Variants in MAPK6 observed in about 807,000 individuals in gnomAD.
The protein encoded by MAPK6 is ERK-3.
Under a neutral mutation model 59.3 loss-of-function variants are expected in MAPK6, and 19 were observed. The ratio of observed to expected loss-of-function variants is 0.32; its 90% confidence interval spans 0.22 to 0.47. MAPK6 has a LOEUF of 0.47. Ranked by LOEUF, MAPK6 falls within the 20% of genes least tolerant of loss-of-function variation. The probability of loss-of-function intolerance (pLI) is 1.00; values close to 1 mark genes in which losing one functional copy is unlikely to be tolerated. For missense variants in MAPK6, 724 were observed against 847.9 expected, an observed-to-expected ratio of 0.85 and a Z score of 1.81; for synonymous variants, 316 against 290.3, an observed-to-expected ratio of 1.09 and a Z score of -0.90.
chr15:51,983,766 C>T (rs1432668269), intron 2 of MAPK6, among the ~76,000 whole-genome samples: 1 of 152,078 alleles, frequency 6.6e-6, no homozygotes, highest in Non-Finnish European at 1.5e-5. Flanking sequence ...ATGATCATGC[C>T]ACTGCACTCC....
At chr15:52,018,241 C>A (rs2030336934), upstream of MAPK6, among the ~76,000 whole-genome samples, 1 of 152,070 alleles carries the variant, frequency 6.6e-6, no homozygotes, top group South Asian at 2.1e-4. Context: ...GTTGGCCATG[C>A]TGGTCTCGAA....
intron 2 of MAPK6, among the ~76,000 whole-genome samples, chr15:51,991,037 AGAATCACTT>A (rs2057206551): frequency 6.6e-6 from 1 of 152,018 alleles, no homozygotes; most frequent in Non-Finnish European, 1.5e-5. Context: ...CTGAGGTAGG[AGAATCACTT>A]GAACCCAGGA....
At chr15:52,028,128 A>G (rs2030882907) in intron 1 of MAPK6, among the ~76,000 whole-genome samples, 1 of 151,300 alleles carries the variant, frequency 6.6e-6, no homozygotes, top group African/African-American at 2.4e-5. Context: ...AATTTTTTGT[A>G]TTTTTAGTAG....
chr15:52,063,759 T>C (rs2032299628), intron 5 of MAPK6, 143 bp from the exon 6 acceptor site: 1 of 542,914 alleles, frequency 1.8e-6, no homozygotes, highest in African/African-American at 1.9e-5. Flanking sequence ...GACTAAGTTC[T>C]GGTAGGGCAA....
At chr15:52,029,679 T>C (rs2030953184) in intron 1 of MAPK6, among the ~76,000 whole-genome samples, 1 of 152,230 alleles carries the variant, frequency 6.6e-6, no homozygotes, top group Non-Finnish European at 1.5e-5. Flanking sequence ...GATTTATCCT[T>C]GAATCCTGTT....
intron 3 of MAPK6, among the ~76,000 whole-genome samples, chr15:52,013,637 C>T (rs1311392534): frequency 6.6e-6 from 1 of 152,144 alleles, no homozygotes; most frequent in Admixed American, 6.6e-5. Flanking sequence ...GTACAATAAC[C>T]ATCTGAATAT....
chr15:52,031,991 C>T (rs2031054225), intron 1 of MAPK6, among the ~76,000 whole-genome samples: 1 of 151,540 alleles, frequency 6.6e-6, no homozygotes, highest in Admixed American at 6.6e-5. Flanking sequence ...AGCCCTGCCT[C>T]CCGGGTTCAT....
intron 1 of MAPK6, among the ~76,000 whole-genome samples, chr15:52,019,757 C>A (rs866429825): frequency 2.0e-5 from 3 of 151,786 alleles, no homozygotes; most frequent in Non-Finnish European, 4.4e-5. Flanking sequence ...CCGCCGCCTG[C>A]GCCTGGCTCC....
chr15:52,037,294 A>T (rs2031275291), intron 1 of MAPK6, among the ~76,000 whole-genome samples: 1 of 152,180 alleles, frequency 6.6e-6, no homozygotes, highest in Non-Finnish European at 1.5e-5. Flanking sequence ...GAGTCCAGAG[A>T]TGTTTTATAT....
At chr15:51,977,938 G>C (rs979371456) in intron 1 of MAPK6, among the ~76,000 whole-genome samples, 2 of 151,824 alleles carry the variant, frequency 1.3e-5, no homozygotes, top group African/African-American at 4.8e-5. Flanking sequence ...GACCATAAAT[G>C]GGTGCTGTGG....
intron 1 of MAPK6, among the ~76,000 whole-genome samples, chr15:52,035,866 T>C (rs1324669398): frequency 1.3e-5 from 2 of 152,172 alleles, no homozygotes; most frequent in Non-Finnish European, 2.9e-5. Context: ...TTTTCTCTGA[T>C]TTAGCTTATT....
At chr15:52,053,823 A>G (rs1475520841) in intron 3 of MAPK6, among the ~76,000 whole-genome samples, 1 of 151,442 alleles carries the variant, frequency 6.6e-6, no homozygotes, top group Non-Finnish European at 1.5e-5. Flanking sequence ...TATTTTTAGT[A>G]GAGACGGGGT....
intron 2 of MAPK6, among the ~76,000 whole-genome samples, chr15:52,003,255 G>C (rs572013590): frequency 2.0e-5 from 3 of 151,912 alleles, no homozygotes; most frequent in Admixed American, 1.3e-4. Context: ...TCACTATCAC[G>C]AGAACAGCAT....
At chr15:52,054,647 T>C (rs2031897999) in intron 3 of MAPK6, among the ~76,000 whole-genome samples, 1 of 149,936 alleles carries the variant, frequency 6.7e-6, no homozygotes, top group African/African-American at 2.5e-5. Context: ...AAGGGAGGAG[T>C]ATCAAAAGAA....
At chr15:52,023,864 G>C (rs1288407900) in intron 1 of MAPK6, among the ~76,000 whole-genome samples, 1 of 152,122 alleles carries the variant, frequency 6.6e-6, no homozygotes, top group Non-Finnish European at 1.5e-5. Context: ...CGCCTGCCTG[G>C]GCCTCCCAAA....
chr15:51,976,498 T>A (rs773128484), intron 1 of MAPK6, among the ~76,000 whole-genome samples: 1 of 151,644 alleles, frequency 6.6e-6, no homozygotes, highest in Non-Finnish European at 1.5e-5. Flanking sequence ...ATTCCCTGAT[T>A]CACTATAAAA....
At chr15:52,022,064 C>G (rs2030554606) in intron 1 of MAPK6, among the ~76,000 whole-genome samples, 1 of 152,122 alleles carries the variant, frequency 6.6e-6, no homozygotes, top group Admixed American at 6.5e-5. Context: ...TGGCTCACAC[C>G]TGTAATCCCG....
upstream of MAPK6, among the ~76,000 whole-genome samples, chr15:52,016,945 G>A (rs564422075): frequency 2.6e-5 from 4 of 152,218 alleles, no homozygotes; most frequent in South Asian, 2.1e-4. Flanking sequence ...TCGGGAGGCT[G>A]AGGCGGGGGA....
intron 2 of MAPK6, among the ~76,000 whole-genome samples, chr15:52,001,081 C>G (rs1319745020): frequency 6.6e-6 from 1 of 152,156 alleles, no homozygotes; most frequent in African/African-American, 2.4e-5. Flanking sequence ...TAAGAGGTGA[C>G]TGAGGCTATG....
Sources: gnomAD v4.1 joint callset for allele counts (sites outside exome capture counted in the v4.1 genomes callset) on GRCh38, gnomAD v4.1.1 for gene constraint, MANE v1.5 for transcripts, NCBI Gene and HGNC (gene_info 2026-07-23, HGNC 2026-07-21) for gene names.